The following NTRK2 variants were observed in gnomAD, a reference collection of about 807,000 sequenced individuals.
NTRK2 encodes the protein neurotrophic receptor tyrosine kinase 2, also known as BDNF/NT-3 growth factors receptor.
A neutral mutation model predicts 94.5 loss-of-function variants in NTRK2; 13 were observed. The observed-to-expected ratio is 0.14, with a 90% confidence interval of 0.09 to 0.22. The LOEUF (loss-of-function observed/expected upper bound fraction) is 0.22, where lower values mean the gene tolerates loss of function less well. Among genes scored for constraint, NTRK2 ranks in the 10% least tolerant of loss-of-function variants. The pLI is 1.00. For synonymous variants in NTRK2, 372 were observed against 407.4 expected (o/e 0.91, Z 1.05); for missense variants, 639 against 1,071.2 (o/e 0.60, Z 5.63).
intron 9 of NTRK2, among the ~76,000 whole-genome samples, chr9:84,737,828 G>A (rs2063363707): frequency 1.3e-5 from 2 of 151,362 alleles, no homozygotes; most frequent in Non-Finnish European, 1.5e-5. Flanking sequence ...CCCACTTGGG[G>A]CACTTCAGGC....
chr9:84,817,496 G>A (rs1453517984), intron 12 of NTRK2, among the ~76,000 whole-genome samples: 1 of 152,216 alleles, frequency 6.6e-6, no homozygotes, highest in African/African-American at 2.4e-5. Flanking sequence ...ATAGTTCCAT[G>A]AGTTTGAATG....
chr9:84,851,428 G>T (rs1333236277), intron 12 of NTRK2, among the ~76,000 whole-genome samples: 1 of 152,120 alleles, frequency 6.6e-6, no homozygotes, highest in Non-Finnish European at 1.5e-5. Flanking sequence ...CCTATTTATG[G>T]TCATTTTATC....
At chr9:84,889,029 C>T (rs2076514594) in intron 14 of NTRK2, among the ~76,000 whole-genome samples, 1 of 112,226 alleles carries the variant, frequency 8.9e-6, no homozygotes, top group Non-Finnish European at 1.7e-5. Flanking sequence ...CTCGCTCTGT[C>T]ACCCAGGCTG....
chr9:84,904,829 G>C (rs184185994), intron 14 of NTRK2, among the ~76,000 whole-genome samples: 5 of 152,308 alleles, frequency 3.3e-5, no homozygotes, highest in African/African-American at 9.6e-5. Context: ...AAGCAATGCT[G>C]TTATAATCCA....
chr9:84,840,222 T>G (rs2074096258), intron 12 of NTRK2, among the ~76,000 whole-genome samples: 1 of 151,458 alleles, frequency 6.6e-6, no homozygotes, highest in Admixed American at 6.6e-5. Flanking sequence ...CAGCTCATCC[T>G]CTGCTACCTT....
intron 17 of NTRK2, among the ~76,000 whole-genome samples, chr9:84,994,114 A>T (rs1829438571): frequency 6.6e-6 from 1 of 152,198 alleles, no homozygotes; most frequent in East Asian, 1.9e-4. Flanking sequence ...GGAGACTTTC[A>T]CCCACCAAGA....
intron 16 of NTRK2, among the ~76,000 whole-genome samples, chr9:84,952,095 A>G (rs1711907623): frequency 6.6e-6 from 1 of 152,220 alleles, no homozygotes; most frequent in African/African-American, 2.4e-5. Context: ...GCTAACATTT[A>G]TTGAACTTTC....
chr9:84,984,198 C>T (rs1828007648), intron 17 of NTRK2, among the ~76,000 whole-genome samples: 1 of 152,072 alleles, frequency 6.6e-6, no homozygotes, highest in Admixed American at 6.6e-5. Flanking sequence ...CAGGGCCGGG[C>T]ATGTTGGCTC....
intron 14 of NTRK2, among the ~76,000 whole-genome samples, chr9:84,894,816 C>T (rs1469912109): frequency 6.6e-6 from 1 of 152,162 alleles, no homozygotes; most frequent in Admixed American, 6.6e-5. Flanking sequence ...GGACCAGGGA[C>T]ACAATTCATA....
chr9:84,814,975 AG>A, intron 12 of NTRK2: 1 of 1,059,762 alleles, frequency 9.4e-7, no homozygotes, highest in East Asian at 5.2e-5. Flanking sequence ...CTAAAGACAT[AG>A]GGGAAGATTA....
intron 12 of NTRK2, among the ~76,000 whole-genome samples, chr9:84,858,435 C>T (rs1013807283): frequency 1.3e-5 from 2 of 151,972 alleles, no homozygotes; most frequent in Non-Finnish European, 2.9e-5. Context: ...TTTCCCTCCC[C>T]CAACCCCCCT....
At chr9:84,824,670 C>A (rs2073069043) in intron 12 of NTRK2, among the ~76,000 whole-genome samples, 1 of 152,184 alleles carries the variant, frequency 6.6e-6, no homozygotes, top group Non-Finnish European at 1.5e-5. Context: ...CCCTGAGATG[C>A]AGACAGTGTT....
chr9:84,765,227 G>A (rs1397519700), intron 12 of NTRK2, among the ~76,000 whole-genome samples: 3 of 152,104 alleles, frequency 2.0e-5, no homozygotes, highest in Non-Finnish European at 2.9e-5. Flanking sequence ...GCAACTCAAC[G>A]GATAAATGCT....
rs58088477 is a variant in NTRK2, at chr9:84,732,531, C to T, written c.1159+4572C>T. On this transcript the variant is annotated intron_variant, in intron 9 of 18. Transcript: ENST00000277120. ...CATTTTTCTGCTTTTGATTGAGTGA[C>T]AAACAATCCTTTGGTTATTTTCAGC... Among the ~76,000 whole-genome samples the T allele has an allele frequency of 6.2e-3, 946 of 152,234 alleles. 19 individuals are homozygous for T. Among genetic ancestry groups the T allele is most frequent in the African/African-American group, 0.021 (876 of 41,522 alleles).
upstream of NTRK2, among the ~76,000 whole-genome samples, chr9:84,668,998 G>A (rs1215174057): frequency 1.3e-5 from 2 of 152,056 alleles, no homozygotes; most frequent in Non-Finnish European, 2.9e-5. Flanking sequence ...TATTTCCCGG[G>A]CGTGTGATGG....
intron 12 of NTRK2, among the ~76,000 whole-genome samples, chr9:84,801,082 G>T (rs765611376): frequency 6.6e-6 from 1 of 152,192 alleles, no homozygotes; most frequent in Non-Finnish European, 1.5e-5. Context: ...TTCACTGCTC[G>T]TGCCTGCGAA....
At chr9:84,926,851 G>A (rs1225986956) in intron 14 of NTRK2, among the ~76,000 whole-genome samples, 2 of 152,198 alleles carry the variant, frequency 1.3e-5, no homozygotes, top group Non-Finnish European at 2.9e-5. Context: ...GCCCATAGGT[G>A]TTTATTTTAA....
chr9:85,019,817 G>C (rs1283411921), intron 17 of NTRK2, among the ~76,000 whole-genome samples: 1 of 152,174 alleles, frequency 6.6e-6, no homozygotes, highest in East Asian at 1.9e-4. Context: ...TCACTGGTTG[G>C]TCATTTTGGA....
intron 15 of NTRK2, 57 bp from the exon 16 acceptor site, chr9:84,948,405 A>C (rs968094718): frequency 1.3e-6 from 2 of 1,546,190 alleles, no homozygotes; most frequent in African/African-American, 1.4e-5. Context: ...TGTCTTTCCT[A>C]TCTCAGTATC....
Sources: gnomAD v4.1 joint callset for allele counts (sites outside exome capture counted in the v4.1 genomes callset) on GRCh38, gnomAD v4.1.1 for gene constraint, MANE v1.5 for transcripts, NCBI Gene and HGNC (gene_info 2026-07-23, HGNC 2026-07-21) for gene names.